Variants in MS4A6E observed in about 807,000 individuals in gnomAD.
MS4A6E encodes membrane-spanning 4-domains subfamily A member 6E.
MS4A6E carries 8 observed loss-of-function variants against 13.2 expected under a neutral mutation model. That is an observed-to-expected ratio of 0.60 (90% CI 0.35 to 1.09). The LOEUF (loss-of-function observed/expected upper bound fraction) is 1.09. Ranked by LOEUF, MS4A6E falls within the 50% of genes least tolerant of loss-of-function variation. The probability of loss-of-function intolerance (pLI) is 0.02; values close to 1 mark genes in which losing one functional copy is unlikely to be tolerated. For missense variants in MS4A6E, 177 were observed against 171.1 expected (o/e 1.03, Z -0.19); for synonymous variants, 72 against 67.6 (o/e 1.06, Z -0.32).
chr11:60,343,695 T>C (rs1269316134), downstream of MS4A6E, among the ~76,000 whole-genome samples: 1 of 152,212 alleles, frequency 6.6e-6, no homozygotes, highest in African/African-American at 2.4e-5. Flanking sequence ...AAAAAGTATC[T>C]GGTGAGTTAA....
At chr11:60,338,134 G>A (rs1454404985) in intron 3 of MS4A6E, among the ~76,000 whole-genome samples, 187 bp downstream of exon 3, 1 of 152,184 alleles carries the variant, frequency 6.6e-6, no homozygotes, top group Non-Finnish European at 1.5e-5. Context: ...TAACAGAGTG[G>A]AATTGAAATG....
chr11:60,347,566 T>A (rs1590779497), intron 4 of MS4A6E, among the ~76,000 whole-genome samples: 1 of 145,368 alleles, frequency 6.9e-6, no homozygotes, highest in African/African-American at 2.6e-5. Context: ...GTTATGCATC[T>A]AGAAAGAGAA....
At position 60,336,780 on chromosome 11, in the gene MS4A6E, T is replaced by C. The variant is rs1019029595; in HGVS notation, c.148-961T>C. Among the ~76,000 whole-genome samples the C allele has an allele frequency of 3.3e-5, 5 of 152,302 alleles. No individual in the cohort carries two copies. The East Asian group carries it at 9.6e-4, about 29-fold the overall frequency. On this transcript the variant is annotated intron_variant, in intron 2 of 4. Coordinates refer to ENST00000684409, the MANE Select transcript of MS4A6E (RefSeq NM_139249.4). ...AACACTCTACTGTATGGCTGTGGGA[T>C]GTGCCCTGGAGCCTACCTACCTGTA...
At chr11:60,335,321 G>C (rs1440491539) in intron 2 of MS4A6E, among the ~76,000 whole-genome samples, 1 of 152,136 alleles carries the variant, frequency 6.6e-6, no homozygotes, top group South Asian at 2.1e-4. Context: ...TTTTACGAAA[G>C]TAATGGTGGT....
intron 2 of MS4A6E, among the ~76,000 whole-genome samples, chr11:60,337,383 T>G (rs768858346): frequency 1.3e-5 from 2 of 152,154 alleles, no homozygotes; most frequent in Non-Finnish European, 2.9e-5. Context: ...AGAGAGAAAC[T>G]GCATCTGGTA....
At chr11:60,333,201 T>A (rs905870165) in intron 1 of MS4A6E, among the ~76,000 whole-genome samples, 2 of 152,170 alleles carry the variant, frequency 1.3e-5, no homozygotes, top group African/African-American at 4.8e-5. Context: ...ATGTATCCAA[T>A]GCAGATTACA....
downstream of MS4A6E, among the ~76,000 whole-genome samples, chr11:60,346,104 G>A (rs1299750625): frequency 6.6e-6 from 1 of 152,160 alleles, no homozygotes; most frequent in Non-Finnish European, 1.5e-5. Flanking sequence ...GACCATCTGT[G>A]AGACTGGTTC....
chr11:60,335,856 A>G (rs944277079), intron 2 of MS4A6E, among the ~76,000 whole-genome samples: 4 of 152,206 alleles, frequency 2.6e-5, no homozygotes, highest in Non-Finnish European at 5.9e-5. Flanking sequence ...ACATGAGAAC[A>G]TGCAGTATTT....
chr11:60,333,136 T>C (rs1565155457), intron 1 of MS4A6E, among the ~76,000 whole-genome samples: 1 of 152,256 alleles, frequency 6.6e-6, no homozygotes, highest in Non-Finnish European at 1.5e-5. Context: ...CCTTGAATGC[T>C]GGAATAGTTA....
At chr11:60,345,887 A>T (rs899430965), downstream of MS4A6E, among the ~76,000 whole-genome samples, 1 of 152,124 alleles carries the variant, frequency 6.6e-6, no homozygotes, top group Admixed American at 6.5e-5. Flanking sequence ...ATTAGATTAG[A>T]ATTTTTCCTG....
chr11:60,340,019 C>T (rs535640338), intron 4 of MS4A6E, 55 bp downstream of exon 4: 2 of 1,601,844 alleles, frequency 1.2e-6, no homozygotes, highest in Non-Finnish European at 1.7e-6. Context: ...TATCTCTGCA[C>T]TGTGTTGAGT....
At chr11:60,328,197 G>A (rs1160634336) in intron 1 of MS4A6E, among the ~76,000 whole-genome samples, 1 of 152,068 alleles carries the variant, frequency 6.6e-6, no homozygotes, top group East Asian at 1.9e-4. Context: ...AGTGTTCAGG[G>A]AACTGACTGC....
At chr11:60,331,323 G>A (rs2085154610) in intron 1 of MS4A6E, among the ~76,000 whole-genome samples, 1 of 151,860 alleles carries the variant, frequency 6.6e-6, no homozygotes, top group African/African-American at 2.4e-5. Context: ...TAATGGAGGG[G>A]CTTATGTGTT....
chr11:60,336,179 G>A (rs1189648387), intron 2 of MS4A6E, among the ~76,000 whole-genome samples: 3 of 152,140 alleles, frequency 2.0e-5, no homozygotes, highest in African/African-American at 7.2e-5. Context: ...CAATGTAACT[G>A]TCTATGATGG....
At chr11:60,340,102 T>C (rs943616819) in intron 4 of MS4A6E, 138 bp downstream of exon 4, 15 of 1,305,136 alleles carry the variant, frequency 1.1e-5, no homozygotes, top group African/African-American at 1.5e-5. Flanking sequence ...TAAATGGTGA[T>C]GGAAGACCGA....
At chr11:60,345,407 T>C (rs1389774260), downstream of MS4A6E, among the ~76,000 whole-genome samples, 1 of 152,204 alleles carries the variant, frequency 6.6e-6, no homozygotes, top group Non-Finnish European at 1.5e-5. Context: ...AATTGACTGC[T>C]TGTGGCTGGA....
At chr11:60,340,531 A>G (rs1345095103) in intron 4 of MS4A6E, among the ~76,000 whole-genome samples, 1 of 152,212 alleles carries the variant, frequency 6.6e-6, no homozygotes, top group Non-Finnish European at 1.5e-5. Context: ...TTATTGCTTT[A>G]TTTAACTGAA....
intron 1 of MS4A6E, among the ~76,000 whole-genome samples, chr11:60,331,968 G>A (rs765827597): frequency 1.3e-5 from 2 of 152,158 alleles, no homozygotes; most frequent in African/African-American, 4.8e-5. Flanking sequence ...GCAATTTGAC[G>A]TCAGATGTCC....
At chr11:60,334,742 C>T in intron 1 of MS4A6E, 140 bp from the exon 2 acceptor site, 1 of 878,968 alleles carries the variant, frequency 1.1e-6, no homozygotes, top group East Asian at 2.6e-5. Flanking sequence ...GTGTGGCTTT[C>T]ACTGCTCCAT....
Sources: gnomAD v4.1 joint callset for allele counts (sites outside exome capture counted in the v4.1 genomes callset) on GRCh38, gnomAD v4.1.1 for gene constraint, MANE v1.5 for transcripts, NCBI Gene and HGNC (gene_info 2026-07-23, HGNC 2026-07-21) for gene names.